The following SOX5 variants were observed in gnomAD, a reference collection of about 807,000 sequenced individuals.
The protein encoded by SOX5 is transcription factor SOX-5.
SOX5 carries 9 observed loss-of-function variants against 92.0 expected under a neutral mutation model. The ratio of observed to expected loss-of-function variants is 0.10; its 90% confidence interval spans 0.06 to 0.17. The LOEUF (loss-of-function observed/expected upper bound fraction) is 0.17, where lower values mean the gene tolerates loss of function less well. SOX5 is among the 10% of genes least tolerant of loss of function. SOX5 has a pLI of 1.00. For missense variants in SOX5, 642 were observed against 944.5 expected (o/e 0.68, Z 4.20); for synonymous variants, 344 against 336.3 (o/e 1.02, Z -0.25).
intron 2 of SOX5, among the ~76,000 whole-genome samples, chr12:24,300,295 G>A (rs988090553): frequency 2.6e-5 from 4 of 152,150 alleles, no homozygotes; most frequent in African/African-American, 9.7e-5. Context: ...AAGTATACTG[G>A]AATTCAGCTA....
At chr12:23,591,398 TA>T (rs1211266639) in intron 9 of SOX5, among the ~76,000 whole-genome samples, 3 of 152,242 alleles carry the variant, frequency 2.0e-5, no homozygotes, top group African/African-American at 7.2e-5. Flanking sequence ...AAGATGTTTC[TA>T]ATGTGGTCCA....
intron 1 of SOX5, among the ~76,000 whole-genome samples, chr12:23,934,352 T>C (rs1488831304): frequency 6.6e-6 from 1 of 150,742 alleles, no homozygotes; most frequent in Non-Finnish European, 1.5e-5. Context: ...CATACATACA[T>C]ATAAAATATT....
At chr12:24,183,648 T>A (rs1375553467) in intron 4 of SOX5, among the ~76,000 whole-genome samples, 1 of 152,292 alleles carries the variant, frequency 6.6e-6, no homozygotes, top group South Asian at 2.1e-4. Context: ...AAAAATCTAA[T>A]ATAAAAAAAA....
intron 2 of SOX5, among the ~76,000 whole-genome samples, chr12:23,847,340 T>A (rs1316870128): frequency 6.6e-6 from 1 of 152,158 alleles, no homozygotes; most frequent in East Asian, 1.9e-4. Context: ...TTCAGGATAT[T>A]AGATTATACC....
chr12:24,140,639 C>T (rs1232137974), intron 4 of SOX5, among the ~76,000 whole-genome samples: 6 of 152,006 alleles, frequency 3.9e-5, no homozygotes. Flanking sequence ...AAGGATTAAA[C>T]CCAATCACTT....
chr12:24,468,285 GTTAT>G, intron 1 of SOX5, among the ~76,000 whole-genome samples: 1 of 152,212 alleles, frequency 6.6e-6, no homozygotes, highest in Admixed American at 6.5e-5. Context: ...ATTTGGATAA[GTTAT>G]TTAATCTCTC....
At chr12:24,351,222 T>C (rs1324440064) in intron 2 of SOX5, among the ~76,000 whole-genome samples, 1 of 152,196 alleles carries the variant, frequency 6.6e-6, no homozygotes, top group Admixed American at 6.5e-5. Context: ...GTATCTAGAT[T>C]AAATTAAAAT....
intron 6 of SOX5, among the ~76,000 whole-genome samples, chr12:23,711,582 A>G (rs2092059105): frequency 6.6e-6 from 1 of 152,138 alleles, no homozygotes; most frequent in South Asian, 2.1e-4. Context: ...TTTCTGTTTC[A>G]ATGTGTCTTA....
intron 4 of SOX5, among the ~76,000 whole-genome samples, chr12:24,167,144 G>T (rs114934693): frequency 2.0e-3 from 300 of 152,246 alleles, no homozygotes; most frequent in African/African-American, 6.9e-3. Flanking sequence ...ATACGACAAG[G>T]ACCAAAATGT....
At chr12:23,556,397 A>G (rs921872324) in intron 11 of SOX5, among the ~76,000 whole-genome samples, 2 of 152,226 alleles carry the variant, frequency 1.3e-5, no homozygotes, top group African/African-American at 4.8e-5. Flanking sequence ...ATGTAAATGT[A>G]GAGATTAAAA....
chr12:24,176,054 G>A (rs1954772164), intron 4 of SOX5, among the ~76,000 whole-genome samples: 1 of 152,078 alleles, frequency 6.6e-6, no homozygotes, highest in Admixed American at 6.6e-5. Flanking sequence ...GATAAGGCTG[G>A]GTACAGTGAC....
At chr12:23,938,808 A>G (rs1024867121) in intron 1 of SOX5, among the ~76,000 whole-genome samples, 1 of 151,108 alleles carries the variant, frequency 6.6e-6, no homozygotes, top group Admixed American at 6.6e-5. Context: ...TGGGATCAAT[A>G]ATCATAAGTA....
At chr12:24,195,681 C>G (rs929761477) in intron 4 of SOX5, among the ~76,000 whole-genome samples, 1 of 152,082 alleles carries the variant, frequency 6.6e-6, no homozygotes, top group Non-Finnish European at 1.5e-5. Flanking sequence ...TCCCCCCGCT[C>G]TTATGGAGCT....
upstream of SOX5, among the ~76,000 whole-genome samples, chr12:23,951,503 C>A (rs1945627890): frequency 6.6e-6 from 1 of 152,050 alleles, no homozygotes; most frequent in South Asian, 2.1e-4. Flanking sequence ...CACAGTGATA[C>A]ATCATACACA....
At chr12:24,075,674 GAAATAAGCA>G (rs1942484732) in intron 4 of SOX5, among the ~76,000 whole-genome samples, 1 of 151,896 alleles carries the variant, frequency 6.6e-6, no homozygotes, top group African/African-American at 2.4e-5. Context: ...AGACATGATT[GAAATAAGCA>G]AACCCAAAGT....
chr12:24,199,054 C>T (rs539353935), intron 4 of SOX5, among the ~76,000 whole-genome samples: 3 of 152,190 alleles, frequency 2.0e-5, no homozygotes, highest in African/African-American at 4.8e-5. Flanking sequence ...CCTTTTCATC[C>T]GAATGGTGTG....
rs1344316344 is a variant in SOX5 at position 24,118,671 on chromosome 12, C to T, written c.-2+94672G>A. 2.0e-5 allele frequency among the ~76,000 whole-genome samples: 3 copies of T among 152,062 alleles called. No individual in the cohort carries two copies. In the East Asian group the frequency reaches 5.8e-4, roughly 29 times the overall value. ...CATCTGTAGATGAAAGCAGACATCACAGTCTTGGTCAAACTTAAAAAAGCT... is the reference window on the plus strand; with the variant it reads ...CATCTGTAGATGAAAGCAGACATCATAGTCTTGGTCAAACTTAAAAAAGCT... On this transcript the variant is annotated intron_variant, in intron 4 of 4. Transcript: ENST00000446891.
chr12:23,751,999 C>T (rs1291215779), intron 4 of SOX5, among the ~76,000 whole-genome samples: 1 of 150,584 alleles, frequency 6.6e-6, no homozygotes, highest in African/African-American at 2.4e-5. Flanking sequence ...AATTCTGGCA[C>T]TTTTGTTAAA....
intron 1 of SOX5, among the ~76,000 whole-genome samples, chr12:24,478,240 G>T (rs942634319): frequency 6.6e-6 from 1 of 152,060 alleles, no homozygotes; most frequent in African/African-American, 2.4e-5. Context: ...ACAGTTTATT[G>T]TATTTGATAT....
Sources: allele counts gnomAD v4.1 joint callset (sites outside exome capture counted in the v4.1 genomes callset), GRCh38; gene constraint gnomAD v4.1.1; transcripts MANE v1.5; gene names NCBI Gene and HGNC (gene_info 2026-07-23, HGNC 2026-07-21).